LRRFIP1: variants seen among roughly 807,000 people sequenced by gnomAD.
LRRFIP1 encodes leucine-rich repeat flightless-interacting protein 1.
In LRRFIP1, 62 loss-of-function variants were observed where a neutral mutation model predicts 104.4. The ratio of observed to expected loss-of-function variants is 0.59; its 90% CI spans 0.48 to 0.73. LRRFIP1 has a LOEUF of 0.73. Ranked by LOEUF, LRRFIP1 falls within the 30% of genes least tolerant of loss-of-function variation. LRRFIP1 has a pLI of 0.00. For synonymous variants in LRRFIP1, 300 were observed against 299.0 expected, an observed-to-expected ratio of 1.00 and a Z score of -0.03; for missense variants, 796 against 824.5, an observed-to-expected ratio of 0.97 and a Z score of 0.42.
intron 1 of LRRFIP1, among the ~76,000 whole-genome samples, chr2:237,657,690 T>C (rs1009774102): frequency 5.9e-5 from 9 of 152,238 alleles, no homozygotes; most frequent in African/African-American, 1.4e-4. Flanking sequence ...TTTGTTTATA[T>C]AGGCATATAA....
At chr2:237,776,051 A>G (rs2061068334) in intron 23 of LRRFIP1, among the ~76,000 whole-genome samples, 1 of 151,562 alleles carries the variant, frequency 6.6e-6, no homozygotes, top group African/African-American at 2.4e-5. Context: ...TGCAACCTCC[A>G]CCTCCCAGGT....
At chr2:237,712,065 G>GT (rs2094123151) in intron 2 of LRRFIP1, among the ~76,000 whole-genome samples, 1 of 152,190 alleles carries the variant, frequency 6.6e-6, no homozygotes, top group African/African-American at 2.4e-5. Flanking sequence ...AGCCTGGGGC[G>GT]GGGGGACATC....
At chr2:237,685,147 GT>G (rs566504726) in intron 1 of LRRFIP1, among the ~76,000 whole-genome samples, 2 of 149,994 alleles carry the variant, frequency 1.3e-5, no homozygotes, top group Admixed American at 6.6e-5. Context: ...ATCAGAAGTG[GT>G]TTTCTTAGAG....
rs111792395 is a variant in LRRFIP1 at position 237,776,034 on chromosome 2, G to A, written c.1812+1572G>A. Among the ~76,000 whole-genome samples, 283 of 151,804 alleles carry A rather than the reference G, an allele frequency of 1.9e-3. 1 individual carries two copies. Among genetic ancestry groups the A allele is most frequent in the African/African-American group, 6.2e-3 (258 of 41,376 alleles). On this transcript the variant is annotated intron_variant, in intron 23 of 23. Transcript: ENST00000308482. ...GGCTGGAGTGCAATGGCGCCATCTC[G>A]GCTCACTGCAACCTCCACCTCCCAG...
chr2:237,759,942 G>A (rs985028473), intron 18 of LRRFIP1, 122 bp from the exon 19 acceptor site: 322 of 811,114 alleles, frequency 4.0e-4, no homozygotes, highest in South Asian at 1.7e-4. Flanking sequence ...CATTTCTCTT[G>A]TCTCTGTGGA....
At chr2:237,707,097 A>C (rs993454256) in intron 1 of LRRFIP1, among the ~76,000 whole-genome samples, 2 of 152,166 alleles carry the variant, frequency 1.3e-5, no homozygotes, top group African/African-American at 4.8e-5. Flanking sequence ...TCATGAGGAC[A>C]CAACCAGGCA....
Position 237,649,835 on chromosome 2 carries a change from C to A in LRRFIP1, c.96+22095C>A, listed in dbSNP as rs115441697. Among the ~76,000 whole-genome samples the A allele has an allele frequency of 5.4e-3, 814 of 151,140 alleles. 9 individuals are homozygous for A. The highest frequency in any genetic ancestry group is 0.019 in the African/African-American group (769 of 41,406). On this transcript the variant is annotated intron_variant, in intron 1 of 23. Transcript: ENST00000308482. This position sits in a 1 kb window ranked among gnomAD's most constrained non-coding sequence, Gnocchi z 4.1. Reference sequence around the variant, plus strand: ...CTGCTCATTCATGTATTCACTTTTCCTCCGATTCAACAAAAAAAAAAATTG... The same window carrying A: ...CTGCTCATTCATGTATTCACTTTTCATCCGATTCAACAAAAAAAAAAATTG...
At chr2:237,729,898 A>T (rs981119815) in intron 8 of LRRFIP1, 1 of 837,846 alleles carries the variant, frequency 1.2e-6, no homozygotes, top group Admixed American at 6.2e-5. Context: ...ATTTTGTAGC[A>T]TGCAATCTTG....
chr2:237,704,124 G>T (rs1012606485), intron 1 of LRRFIP1, among the ~76,000 whole-genome samples: 2 of 148,364 alleles, frequency 1.3e-5, no homozygotes. Flanking sequence ...CTCTGGGGAA[G>T]AATTTTGTCG....
At chr2:237,733,340 A>G (rs1370147725) in intron 8 of LRRFIP1, among the ~76,000 whole-genome samples, 1 of 152,202 alleles carries the variant, frequency 6.6e-6, no homozygotes, top group Non-Finnish European at 1.5e-5. Context: ...TGGCATAGAA[A>G]TAAAGACTCT....
rs1392196308 is a variant in LRRFIP1, at chr2:237,772,108, G to A, written c.1537G>A (p.Glu513Lys). ...TAAGAAACTCAAAGGGCAGCTGGAG[G>A]AGAGACAGAAGATTGGCAAACTAGA... is the stretch of plus-strand genomic sequence containing the variant. The part of the protein sequence containing the change: ...QIKKLKGQLE[E>K]RQKIGKLDNL... The change falls in exon 21 of 24, where the codon GAG (glutamate) becomes AAG (lysine). Residue 513 changes from glutamate to lysine, a missense_variant. Transcript: ENST00000308482. 1.2e-6 allele frequency: 2 copies of A among 1,613,834 alleles called. No homozygotes were observed. Among genetic ancestry groups the A allele is most frequent in the Middle Eastern group, 1.6e-4 (1 of 6,062 alleles).
intron 1 of LRRFIP1, among the ~76,000 whole-genome samples, chr2:237,665,687 T>G (rs1231577975): frequency 6.6e-6 from 1 of 152,204 alleles, no homozygotes; most frequent in Non-Finnish European, 1.5e-5. Context: ...GAGAGTGTGT[T>G]AACATTTTTT....
At chr2:237,745,402 C>A (rs2057704708) in intron 11 of LRRFIP1, among the ~76,000 whole-genome samples, 1 of 152,234 alleles carries the variant, frequency 6.6e-6, no homozygotes. Context: ...ATGGTCTCTA[C>A]TTAAAAATAT....
intron 15 of LRRFIP1, among the ~76,000 whole-genome samples, chr2:237,753,786 G>A (rs1285615779): frequency 9.5e-6 from 1 of 104,822 alleles, no homozygotes; most frequent in African/African-American, 3.9e-5. Flanking sequence ...AGAAGACACT[G>A]TCTCAAAAAA....
chr2:237,754,867 C>A (rs989168655), intron 15 of LRRFIP1, among the ~76,000 whole-genome samples: 4 of 152,226 alleles, frequency 2.6e-5, no homozygotes, highest in African/African-American at 9.6e-5. Context: ...ATTCAGTGGA[C>A]TGAAAACTCC....
Position 237,627,606 on chromosome 2 carries a change from G to C in LRRFIP1, c.-39G>C. ...CGGGCCGGGGCGGCGCGAGCGGCTG[G>C]AGCAACGGGCCCCGCGGCAGCTGCG... On this transcript the variant is annotated 5_prime_UTR_variant, in exon 1 of 24. Transcript: ENST00000308482. 3 of 1,197,280 alleles carry C rather than the reference G, an allele frequency of 2.5e-6. No individual in the cohort carries two copies. Among genetic ancestry groups the C allele is most frequent in the African/African-American group, 3.2e-5 (2 of 61,984 alleles). The allele number at this position is 1,197,280 out of a possible 1,614,324, so 74.2% of individuals were successfully genotyped here. A position where few individuals can be genotyped will look rare whatever the true frequency, so the allele number is the denominator to read the frequency against.
At position 237,739,290 on chromosome 2, in the gene LRRFIP1, C is replaced by T. The variant is rs1322669682; in HGVS notation, c.614C>T (p.Ser205Leu). 2.6e-6 allele frequency: 4 copies of T among 1,561,418 alleles called. No homozygotes were observed. Among genetic ancestry groups the T allele is most frequent in the Middle Eastern group, 1.7e-4 (1 of 6,006 alleles). The change falls in exon 11 of 24, where the codon TCG becomes TTG. Residue 205 changes from serine (S) to leucine (L), a missense_variant. Coordinates refer to ENST00000308482, the MANE Select transcript of LRRFIP1 (RefSeq NM_001137550.2). ...TCCCGCGCCTCCTCCAGGGCCAGCT[C>T]GGCCCGGGCCAGCCCTGTGGTAAGT... ...SSSRASSRAS[S>L]ARASPVVEER...
At chr2:237,745,599 C>G (rs924320221) in intron 11 of LRRFIP1, among the ~76,000 whole-genome samples, 2 of 152,136 alleles carry the variant, frequency 1.3e-5, no homozygotes, top group African/African-American at 4.8e-5. Flanking sequence ...GCCCTGCCCC[C>G]CCAAAATCAA....
At chr2:237,749,607 G>A (rs1167311623) in intron 13 of LRRFIP1, among the ~76,000 whole-genome samples, 6 of 152,058 alleles carry the variant, frequency 3.9e-5, no homozygotes. Context: ...AGAGCACTTG[G>A]CACGTTGTGT....
Sources: gnomAD v4.1 joint callset for allele counts (sites outside exome capture counted in the v4.1 genomes callset) on GRCh38, gnomAD v4.1.1 for gene constraint, Gnocchi (gnomAD v3.1) non-coding constraint, MANE v1.5 for transcripts, NCBI Gene and HGNC (gene_info 2026-07-23, HGNC 2026-07-21) for gene names.